Variants in ARMC8 observed in about 807,000 individuals in gnomAD.
ARMC8 encodes the protein armadillo repeat-containing protein 8.
Under a neutral mutation model 99.3 loss-of-function variants are expected in ARMC8, and 20 were observed. The observed-to-expected ratio is 0.20, with a 90% CI of 0.14 to 0.29. The LOEUF (loss-of-function observed/expected upper bound fraction) is 0.29. ARMC8 is among the 10% of genes least tolerant of loss of function. ARMC8 has a pLI of 1.00. For synonymous variants in ARMC8, 263 were observed against 278.3 expected (o/e 0.95, Z 0.55); for missense variants, 569 against 809.5 (o/e 0.70, Z 3.60).
chr3:138,271,531 T>G (rs1208670013), intron 16 of ARMC8, among the ~76,000 whole-genome samples: 2 of 152,178 alleles, frequency 1.3e-5, no homozygotes, highest in Non-Finnish European at 2.9e-5. Flanking sequence ...CTGAACTCAT[T>G]TCACTCCTCA....
At chr3:138,268,893 A>ATT (rs1401841564) in intron 15 of ARMC8, among the ~76,000 whole-genome samples, 1 of 152,240 alleles carries the variant, frequency 6.6e-6, no homozygotes, top group East Asian at 1.9e-4. Flanking sequence ...AGATTTGATT[A>ATT]AAGTATTATT....
intron 5 of ARMC8, among the ~76,000 whole-genome samples, chr3:138,224,205 G>T (rs997550741): frequency 4.6e-5 from 7 of 150,882 alleles, no homozygotes; most frequent in Non-Finnish European, 8.9e-5. Context: ...TGATCCACCC[G>T]CCTCGGCCTC....
intron 21 of ARMC8, among the ~76,000 whole-genome samples, chr3:138,293,572 A>AG (rs2108399854): frequency 1.3e-5 from 2 of 152,074 alleles, no homozygotes; most frequent in African/African-American, 4.8e-5. Flanking sequence ...GAACTAAAAA[A>AG]CTGCAGCCCA....
intron 1 of ARMC8, among the ~76,000 whole-genome samples, chr3:138,198,712 CTG>C (rs1426725584): frequency 6.6e-6 from 1 of 151,924 alleles, no homozygotes; most frequent in Non-Finnish European, 1.5e-5. Context: ...CGAGGTTTCA[CTG>C]TGTTAGCCAG....
In ARMC8 at chr3:138,286,718, TACAG is replaced by T. The variant is rs916875056; in HGVS notation, c.1821+2198_1821+2201del. On this transcript the variant is annotated intron_variant, in intron 19 of 21. Transcript: ENST00000469044. ...TTAAGATCACTGGGTGGTTCTTACG[TACAG>T]ACAGAGTTGAGAACCATTGCCTTAG... Among the ~76,000 whole-genome samples, 101 of 152,192 alleles carry T rather than the reference TACAG, an allele frequency of 6.6e-4. 1 individual carries two copies. Among genetic ancestry groups the T allele is most frequent in the Admixed American group, 6.1e-3 (93 of 15,278 alleles).
chr3:138,226,584 T>C (rs573879564), intron 5 of ARMC8, among the ~76,000 whole-genome samples: 1 of 152,348 alleles, frequency 6.6e-6, no homozygotes, highest in South Asian at 2.1e-4. Context: ...AAGGATCCCA[T>C]AGAGGGCTTA....
intron 18 of ARMC8, among the ~76,000 whole-genome samples, chr3:138,275,645 C>CCCAGAGAGTCTAACTTCAGG (rs1383138165): frequency 6.6e-6 from 1 of 151,968 alleles, no homozygotes; most frequent in African/African-American, 2.4e-5. Flanking sequence ...GAGAGTTGGA[C>CCCAGAGAGTCTAACTTCAGG]CCAGAGAGTC....
intron 2 of ARMC8, among the ~76,000 whole-genome samples, chr3:138,217,036 T>G (rs1056614244): frequency 6.6e-5 from 10 of 152,200 alleles, no homozygotes; most frequent in Non-Finnish European, 1.5e-4. Context: ...TTCAGTACAG[T>G]AACATGCTGT....
chr3:138,264,957 G>A (rs1327923011), intron 14 of ARMC8, among the ~76,000 whole-genome samples: 1 of 151,572 alleles, frequency 6.6e-6, no homozygotes, highest in Non-Finnish European at 1.5e-5. Context: ...GAGTGCAGTG[G>A]CTCAGTCATG....
chr3:138,287,199 C>A (rs1227608130), intron 19 of ARMC8, among the ~76,000 whole-genome samples: 2 of 152,228 alleles, frequency 1.3e-5, no homozygotes, highest in Non-Finnish European at 2.9e-5. Flanking sequence ...GGCTTCCTCT[C>A]AACACAGAAT....
chr3:138,230,377 G>A (rs1335801393), intron 6 of ARMC8, among the ~76,000 whole-genome samples: 2 of 152,158 alleles, frequency 1.3e-5, no homozygotes, highest in Non-Finnish European at 2.9e-5. Flanking sequence ...GGGGCTGGGT[G>A]CAGTGGCTCA....
At chr3:138,283,457 A>C (rs2050126070) in intron 18 of ARMC8, among the ~76,000 whole-genome samples, 2 of 152,108 alleles carry the variant, frequency 1.3e-5, no homozygotes, top group African/African-American at 4.8e-5. Context: ...CTCTTTCTTC[A>C]TGCCTTCTCT....
At chr3:138,231,391 TTGAC>T (rs759034232) in intron 6 of ARMC8, among the ~76,000 whole-genome samples, 1 of 152,174 alleles carries the variant, frequency 6.6e-6, no homozygotes, top group Non-Finnish European at 1.5e-5. Context: ...CTAATTTGCT[TTGAC>T]TGGTATCAAT....
At chr3:138,226,044 G>A (rs1337601468) in intron 5 of ARMC8, among the ~76,000 whole-genome samples, 1 of 152,146 alleles carries the variant, frequency 6.6e-6, no homozygotes, top group African/African-American at 2.4e-5. Flanking sequence ...CCAGCCTGGA[G>A]TGCAGTGGCT....
At chr3:138,188,371 A>T (rs919141951) in intron 1 of ARMC8, 18 of 1,436,530 alleles carry the variant, frequency 1.3e-5, no homozygotes, top group Admixed American at 7.4e-5. Context: ...GCCAGGAAGT[A>T]AAACCTGTTT....
At chr3:138,279,739 A>T (rs1560039712) in intron 18 of ARMC8, among the ~76,000 whole-genome samples, 1 of 152,132 alleles carries the variant, frequency 6.6e-6, no homozygotes, top group Non-Finnish European at 1.5e-5. Flanking sequence ...TACTCAGGTT[A>T]TCTGTTTCTT....
At position 138,207,466 on chromosome 3, in the gene ARMC8, A is replaced by C. The variant is rs555733709; in HGVS notation, c.46-2351A>C. 4.8e-4 allele frequency among the ~76,000 whole-genome samples: 73 copies of C among 152,296 alleles called. 1 individual carries two copies. The highest frequency in any genetic ancestry group is 3.9e-3 in the South Asian group (19 of 4,826). ...CAAAAGAATTGCTATTAATGGGGGA[A>C]ACTTATGTTAAGATACACATCATTG... On this transcript the variant is annotated intron_variant, in intron 1 of 21. Coordinates refer to ENST00000469044, the MANE Select transcript of ARMC8 (RefSeq NM_001363941.2).
intron 10 of ARMC8, 47 bp from the exon 11 acceptor site, chr3:138,241,736 C>CT: frequency 6.4e-7 from 1 of 1,556,212 alleles, no homozygotes; most frequent in Non-Finnish European, 8.9e-7. Flanking sequence ...TATGCTTAAG[C>CT]TTTTACCTTT....
chr3:138,286,464 C>T (rs1460692702), intron 19 of ARMC8, among the ~76,000 whole-genome samples: 7 of 152,194 alleles, frequency 4.6e-5, no homozygotes, highest in Non-Finnish European at 7.3e-5. Flanking sequence ...ATTTCCTCCT[C>T]CTGGAAATAT....
Sources: allele counts gnomAD v4.1 joint callset (sites outside exome capture counted in the v4.1 genomes callset), GRCh38; gene constraint gnomAD v4.1.1; transcripts MANE v1.5; gene names NCBI Gene and HGNC (gene_info 2026-07-23, HGNC 2026-07-21).